CCDC33: variants seen among roughly 807,000 people sequenced by gnomAD.
CCDC33 encodes coiled-coil domain containing 33, also known as coiled-coil domain-containing protein 33.
Under a neutral mutation model 91.9 loss-of-function variants are expected in CCDC33, and 94 were observed. That is an observed-to-expected ratio of 1.02 (90% CI 0.87 to 1.21). The LOEUF (loss-of-function observed/expected upper bound fraction) is 1.21. Among genes scored for constraint, CCDC33 ranks in the 50% most tolerant of loss-of-function variants. The pLI, the probability that CCDC33 is intolerant of heterozygous loss-of-function variation, is 0.00. For missense variants in CCDC33, 940 were observed against 935.5 expected (o/e 1.00, Z -0.06); for synonymous variants, 396 against 374.5 (o/e 1.06, Z -0.66).
intron 7 of CCDC33, among the ~76,000 whole-genome samples, chr15:74,277,451 G>C (rs1216169770): frequency 2.0e-5 from 3 of 152,266 alleles, no homozygotes; most frequent in Non-Finnish European, 2.9e-5. Context: ...CCCAGGGGAA[G>C]CAGGTCTGCC....
chr15:74,271,727 C>A lies in CCDC33; in HGVS notation c.571C>A (p.Pro191Thr), dbSNP rs146849043. The stretch of plus-strand genomic sequence containing the variant: ...GATCTTTCTCCGGGGAGTCAACGAG[C>A]CCCTGGCCAACAACCCCAACCCCAT... ...LEIFLRGVNE[P>T]LANNPNPIVV... The change falls in exon 6 of 19, where the codon CCC becomes ACC. Residue 191 changes from proline (P) to threonine (T), a missense_variant. Coordinates refer to ENST00000398814, the MANE Select transcript of CCDC33 (RefSeq NM_025055.5). 2.5e-6 allele frequency: 4 copies of A among 1,613,650 alleles called. No individual in the cohort carries two copies. Among genetic ancestry groups the A allele is most frequent in the Non-Finnish European group, 3.4e-6 (4 of 1,179,620 alleles).
intron 8 of CCDC33, 111 bp downstream of exon 8, chr15:74,280,203 A>G (rs1202872465): frequency 7.4e-7 from 1 of 1,343,646 alleles, no homozygotes; most frequent in Non-Finnish European, 1.0e-6. Flanking sequence ...GATGGTTCCC[A>G]GGTGTCCAGG....
chr15:74,271,369 G>C (rs1322121686), intron 5 of CCDC33, among the ~76,000 whole-genome samples: 2 of 152,062 alleles, frequency 1.3e-5, no homozygotes, highest in Non-Finnish European at 2.9e-5. Flanking sequence ...CCAGTGGAGG[G>C]GCCGAGGTTA....
At chr15:74,256,446 T>G (rs183461834) in intron 2 of CCDC33, among the ~76,000 whole-genome samples, 168 of 152,226 alleles carry the variant, frequency 1.1e-3, no homozygotes, top group Admixed American at 2.8e-3. Flanking sequence ...GAGTGGCTGT[T>G]CAGAGTGACC....
Position 74,244,054 on chromosome 15 carries a change from C to G in CCDC33, c.91C>G (p.Pro31Ala). Residue 31 changes from proline to alanine, a missense_variant, in exon 2 of 19, where the codon CCC becomes GCC. Pro to Ala is a conservative substitution (Grantham distance 27). Coordinates refer to ENST00000398814, the MANE Select transcript of CCDC33 (RefSeq NM_025055.5). This position sits in a 1 kb window ranked among gnomAD's most constrained non-coding sequence, Gnocchi z 4.2. ...STEPEIGHLS[P>A]SKKETIMVTL... ...GGAACCTGAGATCGGTCACCTGTCT[C>G]CCTCTAAGAAGGAGACCATCATGGT... 6.4e-7 allele frequency: 1 copy of G among 1,570,634 alleles called. No homozygotes were observed. The highest frequency in any genetic ancestry group is 1.1e-5 in the South Asian group (1 of 90,340).
chr15:74,255,077 C>G (rs182053364), intron 2 of CCDC33, among the ~76,000 whole-genome samples: 10 of 150,450 alleles, frequency 6.6e-5, no homozygotes, highest in Admixed American at 2.7e-4. Context: ...CCCCCCTCAC[C>G]TAGGCATCCC....
chr15:74,239,050 C>G (rs2075266724), intron 1 of CCDC33, among the ~76,000 whole-genome samples: 2 of 152,208 alleles, frequency 1.3e-5, no homozygotes, highest in African/African-American at 2.4e-5. Context: ...ACTGAAAGTC[C>G]TTGTGAAACT....
At chr15:74,234,836 C>T (rs1386085132), upstream of CCDC33, among the ~76,000 whole-genome samples, 1 of 152,250 alleles carries the variant, frequency 6.6e-6, no homozygotes, top group Admixed American at 6.5e-5. Context: ...AAATGTGAGG[C>T]TCTGTGTCGG....
chr15:74,325,542 C>A (rs1239466421), intron 11 of CCDC33, among the ~76,000 whole-genome samples: 3 of 151,454 alleles, frequency 2.0e-5, no homozygotes, highest in African/African-American at 7.3e-5. Flanking sequence ...GGGAGACCAT[C>A]ACAAGCAGGG....
At chr15:74,208,571 T>C (rs2074314650) in intron 1 of CCDC33, among the ~76,000 whole-genome samples, 1 of 152,146 alleles carries the variant, frequency 6.6e-6, no homozygotes. Flanking sequence ...ACTCTGCGAA[T>C]GTCTCCTGCC....
rs148745262 is a variant in CCDC33 at position 74,203,214 on chromosome 15, TTG to T, written n.89+118_89+119del. 0.3 allele frequency: 297,083 copies of T among 984,558 alleles called. 45,972 individuals carry two copies. The highest frequency in any genetic ancestry group is 0.44 in the East Asian group (3,883 of 8,756). 61.0% of individuals were successfully genotyped at this position (984,558 alleles called of 1,614,324 possible). ...CATGTGTCTCATTGGTAAACCCTTT[TTG>T]TTCCTACAAGTTGATTTCACAAGGA... On this transcript the variant is annotated intron_variant and non_coding_transcript_variant, in intron 1 of 3. Coordinates refer to the CCDC33 transcript ENST00000558645.
chr15:74,292,855 C>T (rs866624907), intron 10 of CCDC33, among the ~76,000 whole-genome samples: 1 of 152,120 alleles, frequency 6.6e-6, no homozygotes, highest in Non-Finnish European at 1.5e-5. Context: ...CCTTGCCTGC[C>T]CTCCTTCCCC....
intron 1 of CCDC33, among the ~76,000 whole-genome samples, chr15:74,205,949 C>T (rs1015216285): frequency 1.3e-5 from 2 of 152,352 alleles, no homozygotes; most frequent in African/African-American, 4.8e-5. Flanking sequence ...GAGGTAAGGG[C>T]CAGGTTTCTG....
chr15:74,270,770 C>T, intron 5 of CCDC33, among the ~76,000 whole-genome samples: 1 of 152,062 alleles, frequency 6.6e-6, no homozygotes, highest in Non-Finnish European at 1.5e-5. Flanking sequence ...CTTCCAGTGT[C>T]CCCCAGGCCC....
intron 1 of CCDC33, among the ~76,000 whole-genome samples, chr15:74,206,160 G>T (rs2074257236): frequency 6.6e-6 from 1 of 152,200 alleles, no homozygotes; most frequent in Non-Finnish European, 1.5e-5. Context: ...GTAACAAGAA[G>T]GTCACAGAGA....
chr15:74,236,827 C>T (rs988835820), intron 1 of CCDC33, 87 bp downstream of exon 1: 23 of 1,355,436 alleles, frequency 1.7e-5, no homozygotes, highest in Non-Finnish European at 2.1e-5. Flanking sequence ...GCTCCTTAAT[C>T]ATGACAAAAG....
chr15:74,234,944 G>A (rs1595906422), upstream of CCDC33, among the ~76,000 whole-genome samples: 1 of 152,242 alleles, frequency 6.6e-6, no homozygotes, highest in South Asian at 2.1e-4. Context: ...TAGAGAAGGA[G>A]CAATGGCTCC....
At position 74,272,753 on chromosome 15, in the gene CCDC33, G is replaced by C. The variant is rs1391484914; in HGVS notation, c.639-18G>C. The C allele has an allele frequency of 6.2e-7, 1 of 1,613,216 alleles. No individual in the cohort carries two copies. Among genetic ancestry groups the C allele is most frequent in the Non-Finnish European group, 8.5e-7 (1 of 1,179,862 alleles). ...GTGCAGAGCCCAGAGCACTGACCCT[G>C]TCTCCCTGCCTCCCCAGGGTCAGCC... On this transcript the variant is annotated intron_variant, in intron 6 of 18. Transcript: ENST00000398814.
chr15:74,245,799 G>C (rs905912284), intron 2 of CCDC33, among the ~76,000 whole-genome samples: 3 of 152,174 alleles, frequency 2.0e-5, no homozygotes, highest in Admixed American at 2.0e-4. Flanking sequence ...AAAGCACTTC[G>C]CTGCACCCTT....
Sources: allele counts gnomAD v4.1 joint callset (sites outside exome capture counted in the v4.1 genomes callset), GRCh38; gene constraint gnomAD v4.1.1; non-coding constraint Gnocchi (gnomAD v3.1); transcripts MANE v1.5; gene names NCBI Gene and HGNC (gene_info 2026-07-23, HGNC 2026-07-21).